The following SHOC1 variants were observed in gnomAD, a reference collection of about 807,000 sequenced individuals.
SHOC1 encodes protein shortage in chiasmata 1 ortholog.
A neutral mutation model predicts 179.2 loss-of-function variants in SHOC1; 136 were observed. That is an observed-to-expected ratio of 0.76 (90% CI 0.66 to 0.87). SHOC1 has a LOEUF of 0.87. Among genes scored for constraint, SHOC1 ranks in the 40% least tolerant of loss-of-function variants. The probability of loss-of-function intolerance (pLI) is 0.00; values close to 1 mark genes in which losing one functional copy is unlikely to be tolerated. For missense variants in SHOC1, 1,538 were observed against 1,700.8 expected, an observed-to-expected ratio of 0.90 and a Z score of 1.68; for synonymous variants, 489 against 586.6, an observed-to-expected ratio of 0.83 and a Z score of 2.41.
intron 15 of SHOC1, among the ~76,000 whole-genome samples, chr9:111,722,202 G>A (rs1187424489): frequency 6.6e-6 from 1 of 152,112 alleles, no homozygotes; most frequent in Non-Finnish European, 1.5e-5. Flanking sequence ...GAGCTTCACT[G>A]AGAAGTAATG....
chr9:111,714,682 G>T (rs1317924440), intron 16 of SHOC1, 59 bp from the exon 17 acceptor site: 15 of 1,405,210 alleles, frequency 1.1e-5, no homozygotes. Flanking sequence ...GAAACTCCGT[G>T]GTAAAAAAGG....
chr9:111,727,798 G>A lies in SHOC1; in HGVS notation c.1669C>T (p.Pro557Ser). ...GAAGAGGAAGGTGATTTAATAGATG[G>A]TCCTGTGCAGTCAAGTTCAAAGTGA... is the stretch of plus-strand genomic sequence containing the variant. ...NDHFELDCTG[P>S]SIKSPSSSII... Residue 557 changes from proline to serine, a missense_variant, in exon 13 of 28, where the codon CCA (proline) becomes TCA (serine). Coordinates refer to ENST00000682961, the MANE Select transcript of SHOC1 (RefSeq NM_001378211.1). 1 of 1,613,156 alleles carries A rather than the reference G, an allele frequency of 6.2e-7. No individual in the cohort carries two copies.
rs748992741 is a variant in SHOC1 at position 111,686,719 on chromosome 9, T to C, written c.*51A>G. 2.6e-6 allele frequency: 3 copies of C among 1,149,900 alleles called. No homozygotes were observed. Among genetic ancestry groups the C allele is most frequent in the African/African-American group, 3.1e-5 (2 of 65,356 alleles). 71.2% of individuals were successfully genotyped at this position (1,149,900 alleles called of 1,614,324 possible). A position where few individuals can be genotyped will look rare whatever the true frequency, so the allele number is the denominator to read the frequency against. ...AAATCTAAATAATTGCGCTAGTGGA[T>C]TAGCATCAAAAACAGTGGAATATGG... On this transcript the variant is annotated 3_prime_UTR_variant, in exon 28 of 28. Coordinates refer to ENST00000682961, the MANE Select transcript of SHOC1 (RefSeq NM_001378211.1).
chr9:111,711,771 C>T (rs1481762341), intron 18 of SHOC1, among the ~76,000 whole-genome samples: 1 of 152,130 alleles, frequency 6.6e-6, no homozygotes, highest in Non-Finnish European at 1.5e-5. Context: ...GTTAAGACGT[C>T]TTAAGAGCCC....
chr9:111,783,689 GCT>G (rs1345177720), intron 3 of SHOC1, among the ~76,000 whole-genome samples: 3 of 152,134 alleles, frequency 2.0e-5, no homozygotes, highest in African/African-American at 7.2e-5. Flanking sequence ...CCAATTTGAA[GCT>G]CTAGCTTGAG....
intron 17 of SHOC1, 62 bp downstream of exon 17, chr9:111,714,383 G>A: frequency 1.3e-6 from 2 of 1,550,676 alleles, no homozygotes; most frequent in Middle Eastern, 1.7e-4. Context: ...ATGCAAAAAT[G>A]TATCTTACAT....
intron 13 of SHOC1, among the ~76,000 whole-genome samples, chr9:111,724,450 C>T (rs1833209475): frequency 1.3e-5 from 2 of 152,050 alleles, no homozygotes; most frequent in African/African-American, 4.8e-5. Flanking sequence ...AGCAATCCTC[C>T]CACCTCAGCC....
chr9:111,709,150 G>T (rs1423131154), intron 18 of SHOC1, among the ~76,000 whole-genome samples: 1 of 152,208 alleles, frequency 6.6e-6, no homozygotes. Flanking sequence ...AGACCAGCCT[G>T]GCCAACATGG....
chr9:111,775,726 C>T, intron 5 of SHOC1, 65 bp downstream of exon 5: 1 of 1,370,320 alleles, frequency 7.3e-7, no homozygotes, highest in South Asian at 1.6e-5. Flanking sequence ...ACAAAAAACT[C>T]ACTGAAAAGA....
At chr9:111,723,166 C>T (rs1339885293) in intron 14 of SHOC1, among the ~76,000 whole-genome samples, 1 of 152,092 alleles carries the variant, frequency 6.6e-6, no homozygotes, top group Non-Finnish European at 1.5e-5. Context: ...GCATTTTTTT[C>T]TTTGCCATTC....
At chr9:111,692,885 T>G (rs940751444) in intron 26 of SHOC1, among the ~76,000 whole-genome samples, 3 of 152,244 alleles carry the variant, frequency 2.0e-5, no homozygotes, top group Non-Finnish European at 2.9e-5. Flanking sequence ...ATGTTAGGAC[T>G]GTTTGGAAGA....
chr9:111,768,039 T>G (rs1485330956), intron 5 of SHOC1, among the ~76,000 whole-genome samples: 1 of 152,160 alleles, frequency 6.6e-6, no homozygotes, highest in Admixed American at 6.5e-5. Flanking sequence ...CTTTTTTGTG[T>G]GTCCTCCTCA....
At position 111,758,207 on chromosome 9, in the gene SHOC1, A is replaced by T. The variant is rs780462155; in HGVS notation, c.597-12T>A. 1 of 1,415,468 alleles carries T rather than the reference A, an allele frequency of 7.1e-7. No homozygotes were observed. The highest frequency in any genetic ancestry group is 9.8e-7 in the Non-Finnish European group (1 of 1,024,682). 87.7% of individuals were successfully genotyped at this position (1,415,468 alleles called of 1,614,324 possible). A position where few individuals can be genotyped will look rare whatever the true frequency, so the allele number is the denominator to read the frequency against. On this transcript the variant is annotated splice_polypyrimidine_tract_variant and intron_variant, in intron 6 of 27. Transcript: ENST00000682961. ...GAGAGAAACATTCCCTTAAAAAAAA[A>T]TACATTAATTAGTGTTTACTAAAAG...
intron 24 of SHOC1, among the ~76,000 whole-genome samples, chr9:111,695,480 T>C (rs1831647624): frequency 6.6e-6 from 1 of 152,158 alleles, no homozygotes; most frequent in Non-Finnish European, 1.5e-5. Context: ...CATTTAAATA[T>C]AAACTTTATT....
intron 7 of SHOC1, among the ~76,000 whole-genome samples, chr9:111,757,173 T>TCTCGG (rs1345203661): frequency 2.0e-5 from 3 of 152,086 alleles, no homozygotes; most frequent in African/African-American, 7.2e-5. Context: ...AGTGGTGCGA[T>TCTCGG]CTCACTGCAA....
intron 10 of SHOC1, among the ~76,000 whole-genome samples, chr9:111,742,411 G>A (rs989363456): frequency 6.6e-6 from 1 of 151,870 alleles, no homozygotes; most frequent in African/African-American, 2.4e-5. Context: ...GAGTCCTAAA[G>A]TTTAGTTCAA....
At position 111,722,505 on chromosome 9, in the gene SHOC1, G is replaced by A. The variant is rs766322210; in HGVS notation, c.2035C>T (p.Pro679Ser). Residue 679 changes from proline (P) to serine (S), a missense_variant, in exon 15 of 28, where the codon CCT becomes TCT. Pro to Ser is a moderately conservative substitution (Grantham distance 74). Transcript: ENST00000682961. ...LKNLVSLCTL[P>S]TANWKFATVI... Reference sequence around the variant, plus strand: ...GTGGCAAATTTCCAATTAGCAGTAGGGAGGGTACACAAGGATACAAGGTTT... The same window carrying A: ...GTGGCAAATTTCCAATTAGCAGTAGAGAGGGTACACAAGGATACAAGGTTT... The A allele has an allele frequency of 1.2e-6, 2 of 1,612,732 alleles. No homozygotes were observed. The highest frequency in any genetic ancestry group is 4.5e-5 in the East Asian group (2 of 44,792).
At chr9:111,740,800 G>A (rs531992828) in intron 11 of SHOC1, among the ~76,000 whole-genome samples, 7 of 152,298 alleles carry the variant, frequency 4.6e-5, no homozygotes, top group African/African-American at 1.7e-4. Context: ...TCGAACTCCT[G>A]GCCTCAAATG....
intron 2 of SHOC1, among the ~76,000 whole-genome samples, chr9:111,786,686 T>C (rs1836274454): frequency 6.6e-6 from 1 of 152,144 alleles, no homozygotes; most frequent in African/African-American, 2.4e-5. Flanking sequence ...CTGTGATCAG[T>C]GGTCTTTGAT....
Sources: allele counts gnomAD v4.1 joint callset (sites outside exome capture counted in the v4.1 genomes callset), GRCh38; gene constraint gnomAD v4.1.1; transcripts MANE v1.5; gene names NCBI Gene and HGNC (gene_info 2026-07-23, HGNC 2026-07-21).